The following TMBIM4 variants were observed in gnomAD, a reference collection of about 807,000 sequenced individuals.
TMBIM4 encodes transmembrane BAX inhibitor motif containing 4.
A neutral mutation model predicts 27.7 loss-of-function variants in TMBIM4; 28 were observed. The ratio of observed to expected loss-of-function variants is 1.01; its 90% CI spans 0.75 to 1.38. The LOEUF (loss-of-function observed/expected upper bound fraction) is 1.38. Among genes scored for constraint, TMBIM4 ranks in the 40% most tolerant of loss-of-function variants. TMBIM4 has a pLI of 0.00. For missense variants in TMBIM4, 265 were observed against 277.5 expected (o/e 0.95, Z 0.32); for synonymous variants, 115 against 113.1 (o/e 1.02, Z -0.11).
intron 3 of TMBIM4, among the ~76,000 whole-genome samples, chr12:66,149,216 G>A (rs2051801781): frequency 6.6e-6 from 1 of 152,050 alleles, no homozygotes; most frequent in Non-Finnish European, 1.5e-5. Flanking sequence ...CGAGGCAGGT[G>A]GATTGCTTGA....
At chr12:66,160,372 T>G in intron 1 of TMBIM4, 5 of 593,190 alleles carry the variant, frequency 8.4e-6, no homozygotes, top group Non-Finnish European at 1.5e-5. Flanking sequence ...TTCCAAAAAT[T>G]TATAGTAAAG....
chr12:66,152,113 A>C (rs890050966), intron 3 of TMBIM4, among the ~76,000 whole-genome samples, 158 bp downstream of exon 3: 1 of 152,184 alleles, frequency 6.6e-6, no homozygotes, highest in African/African-American at 2.4e-5. Context: ...TAAACTGTTA[A>C]AAGTTTTAAA....
intron 1 of TMBIM4, among the ~76,000 whole-genome samples, chr12:66,154,145 A>G (rs1197348641): frequency 2.0e-5 from 3 of 152,190 alleles, no homozygotes; most frequent in South Asian, 2.1e-4. Flanking sequence ...TAAAACATTA[A>G]TAACAGTTCC....
At chr12:66,139,853 A>C (rs2051638705) in intron 5 of TMBIM4, among the ~76,000 whole-genome samples, 1 of 152,186 alleles carries the variant, frequency 6.6e-6, no homozygotes, top group Admixed American at 6.5e-5. Context: ...TTGCATTCAC[A>C]CAAGCTGGAG....
chr12:66,161,708 CTGAG>C (rs2052043592), intron 1 of TMBIM4, among the ~76,000 whole-genome samples: 2 of 152,164 alleles, frequency 1.3e-5, no homozygotes, highest in South Asian at 4.1e-4. Context: ...TGAACAAATA[CTGAG>C]TATCTGCTAT....
intron 3 of TMBIM4, among the ~76,000 whole-genome samples, chr12:66,148,585 A>G (rs1208550794): frequency 6.6e-6 from 1 of 152,140 alleles, no homozygotes; most frequent in Non-Finnish European, 1.5e-5. Flanking sequence ...GTTTGTATTA[A>G]TAACTGGATA....
At chr12:66,158,098 C>G (rs963866621) in intron 1 of TMBIM4, among the ~76,000 whole-genome samples, 1 of 151,102 alleles carries the variant, frequency 6.6e-6, no homozygotes, top group African/African-American at 2.4e-5. Context: ...TGGTGGCGGG[C>G]GCCTGTAGTC....
chr12:66,150,475 C>T (rs547114745), intron 3 of TMBIM4, among the ~76,000 whole-genome samples: 5 of 149,998 alleles, frequency 3.3e-5, no homozygotes, highest in African/African-American at 9.8e-5. Flanking sequence ...AGGGCAGTGG[C>T]GCAATCTCAG....
chr12:66,147,163 AAG>A (rs1000431831), intron 4 of TMBIM4, among the ~76,000 whole-genome samples: 1 of 152,036 alleles, frequency 6.6e-6, no homozygotes. Flanking sequence ...TTCTTTTAAA[AAG>A]AGATTACAAA....
rs568350417 is a variant in TMBIM4 at position 66,155,265 on chromosome 12, C to T, written c.98-1817G>A. Among the ~76,000 whole-genome samples the T allele has an allele frequency of 2.6e-5, 4 of 151,602 alleles. No individual in the cohort carries two copies. In the South Asian group the frequency reaches 8.3e-4, roughly 32 times the overall value. On this transcript the variant is annotated intron_variant, in intron 1 of 6. Coordinates refer to ENST00000358230, the MANE Select transcript of TMBIM4 (RefSeq NM_016056.4). ...CTCCATGTCCTGGATTCAAGCCATC[C>T]TCTAGACTCAGCCTCCCAAGCAGCT...
At chr12:66,145,120 G>A (rs891421007) in intron 5 of TMBIM4, among the ~76,000 whole-genome samples, 4 of 152,114 alleles carry the variant, frequency 2.6e-5, no homozygotes, top group South Asian at 4.1e-4. Flanking sequence ...TAAGCAGCTC[G>A]CGCAATTGTC....
rs775809238 is a variant in TMBIM4, at chr12:66,147,946, TGAAAA to T, written c.313-10_313-6del. 2.0e-5 allele frequency: 33 copies of T among 1,610,812 alleles called. No individual in the cohort carries two copies. The highest frequency in any genetic ancestry group is 1.7e-4 in the Admixed American group (10 of 59,652). ...AGTCAGAGCTTCCAACAGCGTCTAA[TGAAAA>T]GAAACTTAAATTAGTGACTGTAAAA... On this transcript the variant is annotated splice_region_variant and splice_polypyrimidine_tract_variant and intron_variant, in intron 3 of 6. Transcript: ENST00000358230.
chr12:66,150,392 T>G (rs1469714832), intron 3 of TMBIM4, among the ~76,000 whole-genome samples: 1 of 150,890 alleles, frequency 6.6e-6, no homozygotes, highest in Admixed American at 6.6e-5. Context: ...CTTCCTTCCT[T>G]CCTTTTCCTT....
rs749257688 is a variant in TMBIM4 at position 66,145,915 on chromosome 12, C to CA, written c.389dup (p.Thr131AspfsTer16). Reference sequence around the variant, plus strand: ...TCAAACCAAAAAATACTGTAGTAGTCAGTATGAAAGCTTGCAGAATAATAT... The same window carrying CA: ...TCAAACCAAAAAATACTGTAGTAGTCAAGTATGAAAGCTTGCAGAATAATAT... On this transcript the variant is annotated frameshift_variant, in exon 5 of 7. Transcript: ENST00000358230. LOFTEE classifies it high-confidence loss of function. 89 of 1,604,846 alleles carry CA rather than the reference C, an allele frequency of 5.5e-5. No individual in the cohort carries two copies. The Middle Eastern group carries it at 8.3e-4, about 15-fold the overall frequency.
At chr12:66,164,913 G>C (rs1172479032) in intron 1 of TMBIM4, among the ~76,000 whole-genome samples, 1 of 152,084 alleles carries the variant, frequency 6.6e-6, no homozygotes, top group Admixed American at 6.6e-5. Context: ...TGCAAAATTA[G>C]TTACATTTTT....
At chr12:66,143,566 C>T (rs1236896971) in intron 5 of TMBIM4, among the ~76,000 whole-genome samples, 1 of 152,096 alleles carries the variant, frequency 6.6e-6, no homozygotes, top group Non-Finnish European at 1.5e-5. Context: ...GACCAGTTGC[C>T]ACAGTTATCA....
intron 5 of TMBIM4, among the ~76,000 whole-genome samples, chr12:66,141,338 G>C (rs1298699581): frequency 2.6e-5 from 4 of 152,072 alleles, no homozygotes; most frequent in Non-Finnish European, 5.9e-5. Context: ...GTAGGGAAAA[G>C]GAGATACAAG....
intron 1 of TMBIM4, among the ~76,000 whole-genome samples, chr12:66,168,519 C>A (rs561133193): frequency 6.6e-6 from 1 of 152,074 alleles, no homozygotes; most frequent in Non-Finnish European, 1.5e-5. Flanking sequence ...TAGGGGTTCT[C>A]GGTATATAGT....
chr12:66,159,849 A>G (rs1483128361), intron 1 of TMBIM4, among the ~76,000 whole-genome samples: 1 of 152,250 alleles, frequency 6.6e-6, no homozygotes, highest in African/African-American at 2.4e-5. Flanking sequence ...GGACTGAGAC[A>G]CTGGTCACCA....
Sources: gnomAD v4.1 joint callset for allele counts (sites outside exome capture counted in the v4.1 genomes callset) on GRCh38, gnomAD v4.1.1 for gene constraint, MANE v1.5 for transcripts, NCBI Gene and HGNC (gene_info 2026-07-23, HGNC 2026-07-21) for gene names.